SSBP2: variants seen among roughly 807,000 people sequenced by gnomAD.
SSBP2 encodes single-stranded DNA-binding protein 2.
A neutral mutation model predicts 61.8 loss-of-function variants in SSBP2; 17 were observed. The ratio of observed to expected loss-of-function variants is 0.28; its 90% confidence interval spans 0.19 to 0.41. SSBP2 has a LOEUF of 0.41. SSBP2 is among the 10% of genes least tolerant of loss of function. SSBP2 has a pLI of 1.00. For missense variants in SSBP2, 310 were observed against 458.7 expected (o/e 0.68, Z 2.96); for synonymous variants, 139 against 141.3 (o/e 0.98, Z 0.12).
chr5:81,586,278 G>T (rs1430380407), intron 4 of SSBP2, among the ~76,000 whole-genome samples: 1 of 151,962 alleles, frequency 6.6e-6, no homozygotes, highest in African/African-American at 2.4e-5. Context: ...ACAGTACGAG[G>T]GTTCCCTTTA....
intron 12 of SSBP2, among the ~76,000 whole-genome samples, chr5:81,444,423 A>T (rs1417144305): frequency 2.0e-5 from 3 of 152,130 alleles, no homozygotes; most frequent in African/African-American, 2.4e-5. Flanking sequence ...TGGCAGTTCC[A>T]AGTGCATGAG....
intron 1 of SSBP2, among the ~76,000 whole-genome samples, chr5:81,728,296 C>T (rs946315345): frequency 1.3e-5 from 2 of 152,200 alleles, no homozygotes; most frequent in African/African-American, 2.4e-5. Flanking sequence ...ACAAAAACGG[C>T]GACAATACAG....
At chr5:81,655,832 T>C (rs1347217774) in intron 1 of SSBP2, among the ~76,000 whole-genome samples, 2 of 152,198 alleles carry the variant, frequency 1.3e-5, no homozygotes, top group Non-Finnish European at 2.9e-5. Flanking sequence ...AATTCCAGAA[T>C]TGGAATTGTA....
At chr5:81,646,954 C>G (rs1749326543) in intron 2 of SSBP2, among the ~76,000 whole-genome samples, 1 of 151,794 alleles carries the variant, frequency 6.6e-6, no homozygotes, top group Non-Finnish European at 1.5e-5. Flanking sequence ...ACAGGAAAAC[C>G]CAAGCAGCTA....
At chr5:81,700,452 ATT>A (rs1753907882) in intron 1 of SSBP2, among the ~76,000 whole-genome samples, 1 of 152,174 alleles carries the variant, frequency 6.6e-6, no homozygotes, top group African/African-American at 2.4e-5. Flanking sequence ...ATTTAGCATC[ATT>A]CTTAAGGTTC....
intron 5 of SSBP2, among the ~76,000 whole-genome samples, chr5:81,493,291 T>TAGATAGATAGAC (rs1767018191): frequency 4.0e-5 from 6 of 150,020 alleles, no homozygotes; most frequent in Admixed American, 4.0e-4. Flanking sequence ...GATAGATAGA[T>TAGATAGATAGAC]AGATAGATAG....
chr5:81,451,401 C>T (rs6452410), intron 10 of SSBP2, among the ~76,000 whole-genome samples: 70,690 of 151,540 alleles, frequency 0.47, 20,467 homozygotes, highest in African/African-American at 0.83. Context: ...GTCCTTGCTC[C>T]TTTTATATTA....
In SSBP2 at chr5:81,539,793, G is replaced by A. The variant is rs144010566; in HGVS notation, c.283-26076C>T. On this transcript the variant is annotated intron_variant, in intron 4 of 16. Transcript: ENST00000320672. ...AAGTTCTGGATTACATGTGCAGAAC[G>A]TGCAGGTTTGTTACATAGGTATACA... Among the ~76,000 whole-genome samples, 401 of 152,152 alleles carry A rather than the reference G, an allele frequency of 2.6e-3. 1 individual carries two copies. The highest frequency in any genetic ancestry group is 8.6e-3 in the African/African-American group (355 of 41,484).
In SSBP2 at chr5:81,537,444, C is replaced by T. The variant is rs531228002; in HGVS notation, c.283-23727G>A. ...GACCATCATGAGAAACAGGAGACAG[C>T]TTATTCTGGGATTAAAAAAACCCAT... On this transcript the variant is annotated intron_variant, in intron 4 of 16. Transcript: ENST00000320672. Among the ~76,000 whole-genome samples, 4 of 152,210 alleles carry T rather than the reference C, an allele frequency of 2.6e-5. No homozygotes were observed. In the East Asian group the frequency reaches 5.8e-4, roughly 22 times the overall value.
At chr5:81,545,831 T>A (rs1228027807) in intron 4 of SSBP2, among the ~76,000 whole-genome samples, 4 of 152,200 alleles carry the variant, frequency 2.6e-5, no homozygotes, top group Non-Finnish European at 5.9e-5. Flanking sequence ...AGAGAAAAAC[T>A]GATTTATAAA....
chr5:81,455,106 G>C (rs987721659), intron 10 of SSBP2, among the ~76,000 whole-genome samples: 2 of 151,926 alleles, frequency 1.3e-5, no homozygotes, highest in Admixed American at 6.6e-5. Context: ...ATAGAAATAC[G>C]CATTAGGCAT....
chr5:81,533,600 G>C (rs143186444), intron 4 of SSBP2, among the ~76,000 whole-genome samples: 114 of 152,110 alleles, frequency 7.5e-4, no homozygotes, highest in African/African-American at 2.6e-3. Context: ...GTAAAAAGCT[G>C]AACAAACTGA....
intron 3 of SSBP2, among the ~76,000 whole-genome samples, chr5:81,635,065 GAGTA>G (rs1427838194): frequency 1.3e-5 from 2 of 152,214 alleles, no homozygotes; most frequent in Non-Finnish European, 2.9e-5. Context: ...ACAAGACACT[GAGTA>G]AGTATTTGTT....
rs984428505 is a variant in SSBP2 at position 81,420,312 on chromosome 5, G to A, written c.*192C>T. 5 of 610,892 alleles carry A rather than the reference G, an allele frequency of 8.2e-6. No homozygotes were observed. The highest frequency in any genetic ancestry group is 3.7e-5 in the African/African-American group (2 of 53,926). 37.8% of individuals were successfully genotyped at this position (610,892 alleles called of 1,614,324 possible). A position where few individuals can be genotyped will look rare whatever the true frequency, so the allele number is the denominator to read the frequency against. On this transcript the variant is annotated 3_prime_UTR_variant, in exon 17 of 17. Transcript: ENST00000320672. Reference sequence around the variant, plus strand: ...TAGGGCAATTCTAATATGCCACTCCGTACAGTTGTTTGAATCACATTTGGA... The same window carrying A: ...TAGGGCAATTCTAATATGCCACTCCATACAGTTGTTTGAATCACATTTGGA...
intron 10 of SSBP2, among the ~76,000 whole-genome samples, chr5:81,459,508 G>A (rs1247726034): frequency 6.6e-6 from 1 of 152,142 alleles, no homozygotes; most frequent in Non-Finnish European, 1.5e-5. Context: ...TGAGGAATAA[G>A]AGAATGGTTT....
intron 3 of SSBP2, chr5:81,615,970 C>T (rs2153606534): frequency 6.3e-6 from 1 of 157,862 alleles, no homozygotes; most frequent in African/African-American, 2.4e-5. Context: ...TTTTGTTGTC[C>T]AACTCATAGG....
At chr5:81,710,823 G>A in intron 1 of SSBP2, 2 of 370,288 alleles carry the variant, frequency 5.4e-6, no homozygotes, top group Middle Eastern at 3.7e-4. Context: ...AAAATTGGCA[G>A]GAAGGAAAGA....
chr5:81,693,318 G>T (rs922023170), intron 1 of SSBP2, among the ~76,000 whole-genome samples: 1 of 151,806 alleles, frequency 6.6e-6, no homozygotes, highest in East Asian at 1.9e-4. Flanking sequence ...AGCAAAAATG[G>T]TCAAATGGAA....
intron 4 of SSBP2, among the ~76,000 whole-genome samples, chr5:81,521,111 T>TA (rs1314812329): frequency 2.0e-5 from 3 of 152,040 alleles, no homozygotes; most frequent in Non-Finnish European, 4.4e-5. Flanking sequence ...AGATGTCCTT[T>TA]AAAATCAGAA....
Sources: gnomAD v4.1 joint callset for allele counts (sites outside exome capture counted in the v4.1 genomes callset) on GRCh38, gnomAD v4.1.1 for gene constraint, MANE v1.5 for transcripts, NCBI Gene and HGNC (gene_info 2026-07-23, HGNC 2026-07-21) for gene names.